Variants in ACSBG1 observed in about 807,000 individuals in gnomAD.
ACSBG1 encodes long-chain-fatty-acid--CoA ligase ACSBG1.
Under a neutral mutation model 80.2 loss-of-function variants are expected in ACSBG1, and 39 were observed. The ratio of observed to expected loss-of-function variants is 0.49; its 90% CI spans 0.38 to 0.64. ACSBG1 has a LOEUF of 0.64. Among genes scored for constraint, ACSBG1 ranks in the 30% least tolerant of loss-of-function variants. The pLI is 0.00. For synonymous variants in ACSBG1, 392 were observed against 379.5 expected (o/e 1.03, Z -0.38); for missense variants, 828 against 966.4 (o/e 0.86, Z 1.90).
intron 4 of ACSBG1, 72 bp downstream of exon 4, chr15:78,193,860 G>C: frequency 6.4e-7 from 1 of 1,557,812 alleles, no homozygotes; most frequent in South Asian, 1.2e-5. Flanking sequence ...GCTAAAAAGA[G>C]ATAAGGACCC....
At position 78,223,312 on chromosome 15, in the gene ACSBG1, A is replaced by C. The variant is rs61173757; in HGVS notation, c.131+11059T>G. On this transcript the variant is annotated intron_variant, in intron 1 of 13. Transcript: ENST00000258873. ...GGTGGGGGGAGAAAAACCATCAGGA[A>C]AAATAGCTAATGCACGCTGGGCTTA... Among the ~76,000 whole-genome samples the C allele has an allele frequency of 1.6e-4, 25 of 152,302 alleles. No individual in the cohort carries two copies. In the East Asian group the frequency reaches 4.8e-3, roughly 29 times the overall value.
intron 1 of ACSBG1, among the ~76,000 whole-genome samples, chr15:78,227,218 CAAAAAAAAAAAAA>C (rs56011241): frequency 3.7e-5 from 2 of 53,746 alleles, no homozygotes; most frequent in Admixed American, 2.6e-4. Context: ...GACCCTGTCT[CAAAAAAAAAAAAA>C]AAAAAAAAAA....
At chr15:78,198,075 T>G (rs1236201347) in intron 2 of ACSBG1, among the ~76,000 whole-genome samples, 1 of 152,186 alleles carries the variant, frequency 6.6e-6, no homozygotes, top group African/African-American at 2.4e-5. Flanking sequence ...CTCACTATAT[T>G]GCCCAGGCTG....
At chr15:78,227,218 C>CAAAAAAAAA (rs56011241) in intron 1 of ACSBG1, among the ~76,000 whole-genome samples, 1 of 53,746 alleles carries the variant, frequency 1.9e-5, no homozygotes, top group Admixed American at 2.6e-4. Flanking sequence ...GACCCTGTCT[C>CAAAAAAAAA]AAAAAAAAAA....
intron 2 of ACSBG1, among the ~76,000 whole-genome samples, chr15:78,205,940 T>C (rs1197105081): frequency 6.6e-6 from 1 of 151,996 alleles, no homozygotes; most frequent in East Asian, 1.9e-4. Flanking sequence ...GAGTCCAAGC[T>C]CCGCTCCAGG....
At chr15:78,233,595 C>CT (rs2075467186) in intron 1 of ACSBG1, among the ~76,000 whole-genome samples, 1 of 152,238 alleles carries the variant, frequency 6.6e-6, no homozygotes, top group South Asian at 2.1e-4. Context: ...CAAGGTCCAT[C>CT]TCAGGCGCCC....
chr15:78,209,546 T>C (rs1407762103), intron 1 of ACSBG1, among the ~76,000 whole-genome samples: 1 of 152,192 alleles, frequency 6.6e-6, no homozygotes, highest in Non-Finnish European at 1.5e-5. Flanking sequence ...TGGTTACAGC[T>C]CTCTGGGATA....
intron 11 of ACSBG1, among the ~76,000 whole-genome samples, chr15:78,176,307 G>A (rs2074882542): frequency 6.6e-6 from 1 of 152,080 alleles, no homozygotes; most frequent in African/African-American, 2.4e-5. Flanking sequence ...CTGTCCTGGA[G>A]GTCCTAACCT....
In ACSBG1 at chr15:78,182,622, C is replaced by A. The variant is rs1357923158; in HGVS notation, c.745-7G>T. The A allele has an allele frequency of 1.2e-6, 2 of 1,613,828 alleles. No homozygotes were observed. The highest frequency in any genetic ancestry group is 1.7e-6 in the Non-Finnish European group (2 of 1,179,884). On this transcript the variant is annotated splice_region_variant and splice_polypyrimidine_tract_variant and intron_variant, in intron 6 of 13. Coordinates refer to ENST00000258873, the MANE Select transcript of ACSBG1 (RefSeq NM_015162.5). ...GCTCCATGAATTCCTCCATCTGTAG[C>A]CAGATGCAGGGAGCAGGCAGGCTAG... is the stretch of plus-strand genomic sequence containing the variant.
At chr15:78,185,197 G>A (rs1444713144) in intron 5 of ACSBG1, among the ~76,000 whole-genome samples, 1 of 152,174 alleles carries the variant, frequency 6.6e-6, no homozygotes, top group Non-Finnish European at 1.5e-5. Flanking sequence ...GAACTATATA[G>A]AGAAAGAGTT....
intron 9 of ACSBG1, 71 bp from the exon 10 acceptor site, chr15:78,179,851 AT>A: frequency 4.8e-6 from 6 of 1,238,046 alleles, no homozygotes; most frequent in South Asian, 1.4e-5. Flanking sequence ...ACATACACAC[AT>A]TAAAAGGGTG....
At position 78,171,382 on chromosome 15, in the gene ACSBG1, C is replaced by T. The variant is rs1255772829; in HGVS notation, c.*62G>A. The T allele has an allele frequency of 9.1e-6, 13 of 1,427,648 alleles. No individual in the cohort carries two copies. The highest frequency in any genetic ancestry group is 5.2e-5 in the Admixed American group (3 of 57,294). 88.4% of individuals were successfully genotyped at this position (1,427,648 alleles called of 1,614,324 possible). The stretch of plus-strand genomic sequence containing the variant: ...GTGCCCAGACTGAAGAGACCTGGGG[C>T]TCAGGAAGAGGCTCGGAACGCCTGC... On this transcript the variant is annotated 3_prime_UTR_variant, in exon 14 of 14. Coordinates refer to ENST00000258873, the MANE Select transcript of ACSBG1 (RefSeq NM_015162.5).
chr15:78,183,904 A>G lies in ACSBG1; in HGVS notation c.664-1119T>C, dbSNP rs940510381. Among the ~76,000 whole-genome samples, 3 of 152,022 alleles carry G rather than the reference A, an allele frequency of 2.0e-5. No homozygotes were observed. In the East Asian group the frequency reaches 5.8e-4, roughly 29 times the overall value. ...GGGCGGGGCGGGTGGGGCGGGGAAC[A>G]CTACAAAATTTTTAGAAAGGGAAAA... On this transcript the variant is annotated intron_variant, in intron 5 of 13. Transcript: ENST00000258873.
At chr15:78,174,222 C>T (rs1015113392) in intron 12 of ACSBG1, among the ~76,000 whole-genome samples, 163 bp downstream of exon 12, 6 of 152,192 alleles carry the variant, frequency 3.9e-5, no homozygotes, top group African/African-American at 1.2e-4. Context: ...GGAATTTCCA[C>T]GTGCCACAGT....
chr15:78,234,034 C>A (rs1261989321), intron 1 of ACSBG1, among the ~76,000 whole-genome samples: 1 of 152,182 alleles, frequency 6.6e-6, no homozygotes, highest in Non-Finnish European at 1.5e-5. Context: ...TCTTTGACCC[C>A]CGCAGGCAAA....
chr15:78,194,534 G>C lies in ACSBG1; in HGVS notation c.425C>G (p.Ala142Gly), dbSNP rs781238002. ...HISYSQYYLL[A>G]RRAAKGFLKL... ...CAGGAAGCCCTTGGCGGCTCTGCGG[G>C]CGAGCAGGTAGTATTGGGAGTAGGA... Residue 142 changes from alanine to glycine, a missense_variant, in exon 3 of 14, where the codon GCC (alanine) becomes GGC (glycine). Physicochemically the swap from Ala to Gly is moderately conservative, Grantham distance 60 (BLOSUM62 0). Transcript: ENST00000258873. 1.3e-5 allele frequency: 21 copies of C among 1,614,096 alleles called. No individual in the cohort carries two copies. Among genetic ancestry groups the C allele is most frequent in the Middle Eastern group, 3.3e-4 (2 of 6,082 alleles).
Position 78,221,552 on chromosome 15 carries a change from G to A in ACSBG1, c.131+12819C>T, listed in dbSNP as rs570279251. ...GACATTCCATTCCCAGGGACATACG[G>A]GAAACAGAGGCCTCAACTGCAAAGG... On this transcript the variant is annotated intron_variant, in intron 1 of 13. Coordinates refer to ENST00000258873, the MANE Select transcript of ACSBG1 (RefSeq NM_015162.5). Among the ~76,000 whole-genome samples, 3 of 152,234 alleles carry A rather than the reference G, an allele frequency of 2.0e-5. No homozygotes were observed. In the South Asian group the frequency reaches 6.2e-4, roughly 32 times the overall value.
chr15:78,206,394 A>G (rs544091213), intron 2 of ACSBG1, among the ~76,000 whole-genome samples: 2 of 152,236 alleles, frequency 1.3e-5, no homozygotes, highest in African/African-American at 4.8e-5. Flanking sequence ...CCTGCCCTTT[A>G]CAGAGGACCT....
chr15:78,192,759 C>T (rs1323538218), intron 5 of ACSBG1, among the ~76,000 whole-genome samples: 1 of 152,212 alleles, frequency 6.6e-6, no homozygotes, highest in East Asian at 1.9e-4. Flanking sequence ...TTGTCCCACC[C>T]TCGGGCACAG....
Sources: gnomAD v4.1 joint callset for allele counts (sites outside exome capture counted in the v4.1 genomes callset) on GRCh38, gnomAD v4.1.1 for gene constraint, MANE v1.5 for transcripts, NCBI Gene and HGNC (gene_info 2026-07-23, HGNC 2026-07-21) for gene names.